The following SRSF11 variants were observed in gnomAD, a reference collection of about 807,000 sequenced individuals.
SRSF11 encodes the protein serine and arginine rich splicing factor 11.
SRSF11 carries 9 observed loss-of-function variants against 56.0 expected under a neutral mutation model. That is an observed-to-expected ratio of 0.16 (90% CI 0.10 to 0.28). The LOEUF (loss-of-function observed/expected upper bound fraction) is 0.28, where lower values mean the gene tolerates loss of function less well. Ranked by LOEUF, SRSF11 falls within the 10% of genes least tolerant of loss-of-function variation. The pLI, the probability that SRSF11 is intolerant of heterozygous loss-of-function variation, is 1.00. For synonymous variants in SRSF11, 222 were observed against 215.3 expected, an observed-to-expected ratio of 1.03 and a Z score of -0.27; for missense variants, 421 against 600.7, an observed-to-expected ratio of 0.70 and a Z score of 3.13.
intron 1 of SRSF11, among the ~76,000 whole-genome samples, chr1:70,215,215 T>C (rs1368397257): frequency 6.6e-6 from 1 of 152,116 alleles, no homozygotes; most frequent in Non-Finnish European, 1.5e-5. Flanking sequence ...TTTTAAAACT[T>C]ACGGATTTGT....
rs1276850009 is a variant in SRSF11, at chr1:70,250,814, T to C, written c.*9T>C. 1.7e-5 allele frequency: 28 copies of C among 1,611,048 alleles called. No individual in the cohort carries two copies. The highest frequency in any genetic ancestry group is 2.3e-5 in the Non-Finnish European group (27 of 1,177,780). Reference sequence around the variant, plus strand: ...TGGATATGAGTGACTGAATATTGCCTCTGAGGGAGTCCAACTGTATACCTG... The same window carrying C: ...TGGATATGAGTGACTGAATATTGCCCCTGAGGGAGTCCAACTGTATACCTG... On this transcript the variant is annotated 3_prime_UTR_variant, in exon 12 of 12. Transcript: ENST00000370949.
At chr1:70,210,661 G>A (rs61118286) in intron 1 of SRSF11, among the ~76,000 whole-genome samples, 1 of 152,160 alleles carries the variant, frequency 6.6e-6, no homozygotes, top group South Asian at 2.1e-4. Context: ...GTTGCAATGA[G>A]CTAAAATTGT....
intron 1 of SRSF11, 68 bp from the exon 2 acceptor site, chr1:70,228,354 G>C: frequency 3.3e-6 from 4 of 1,223,932 alleles, no homozygotes; most frequent in Non-Finnish European, 4.7e-6. Flanking sequence ...AAATGTGTTG[G>C]TTTGTGAATT....
intron 2 of SRSF11, chr1:70,230,719 G>A (rs1370848823): frequency 4.2e-6 from 5 of 1,194,870 alleles, no homozygotes; most frequent in Non-Finnish European, 4.2e-6. Flanking sequence ...TTTAATGGAT[G>A]CAGATCTTCT....
intron 8 of SRSF11, 45 bp from the exon 9 acceptor site, chr1:70,246,773 C>T (rs375253116): frequency 2.5e-4 from 329 of 1,296,676 alleles, no homozygotes; most frequent in Non-Finnish European, 3.4e-4. Flanking sequence ...AAATTGGCAT[C>T]AGCTGAGTCT....
chr1:70,237,129 A>G (rs2100829969), intron 5 of SRSF11, among the ~76,000 whole-genome samples: 1 of 152,266 alleles, frequency 6.6e-6, no homozygotes, highest in East Asian at 1.9e-4. Flanking sequence ...TAGCATCAGC[A>G]TATTTTCTTG....
At chr1:70,217,400 G>A (rs1571599205), upstream of SRSF11, among the ~76,000 whole-genome samples, 1 of 152,154 alleles carries the variant, frequency 6.6e-6, no homozygotes, top group East Asian at 1.9e-4. Context: ...CAGGTGTTCC[G>A]CCTGCCTTGG....
intron 2 of SRSF11, chr1:70,229,225 C>G: frequency 1.6e-6 from 2 of 1,289,416 alleles, no homozygotes; most frequent in Non-Finnish European, 2.0e-6. Context: ...AAGGCAAATG[C>G]AAAACCCTTC....
chr1:70,219,401 T>G (rs1418761558), upstream of SRSF11, among the ~76,000 whole-genome samples: 1 of 152,238 alleles, frequency 6.6e-6, no homozygotes, highest in Non-Finnish European at 1.5e-5. Context: ...CCAAATATTT[T>G]AAATCATCTC....
At chr1:70,232,916 G>GTTA (rs1160133260) in intron 3 of SRSF11, among the ~76,000 whole-genome samples, 1 of 152,148 alleles carries the variant, frequency 6.6e-6, no homozygotes, top group East Asian at 1.9e-4. Context: ...AGAACTAAAA[G>GTTA]GCACTTTAAA....
intron 1 of SRSF11, among the ~76,000 whole-genome samples, chr1:70,215,342 A>T (rs1322309620): frequency 2.6e-5 from 4 of 152,204 alleles, no homozygotes; most frequent in Non-Finnish European, 4.4e-5. Context: ...AATGGAACAA[A>T]TACATACCAT....
At chr1:70,243,360 A>C (rs1040984522) in intron 7 of SRSF11, among the ~76,000 whole-genome samples, 168 of 141,332 alleles carry the variant, frequency 1.2e-3, no homozygotes, top group Non-Finnish European at 2.0e-3. Context: ...AAAAAAAAAA[A>C]AAAAAAAAAA....
intron 1 of SRSF11, among the ~76,000 whole-genome samples, chr1:70,210,275 T>C (rs1669444064): frequency 6.6e-6 from 1 of 151,824 alleles, no homozygotes; most frequent in Non-Finnish European, 1.5e-5. Flanking sequence ...CTCCTCCCCA[T>C]GCCCCCCAGT....
chr1:70,215,234 A>G (rs1043617783), intron 1 of SRSF11, among the ~76,000 whole-genome samples: 6 of 152,144 alleles, frequency 3.9e-5, no homozygotes, highest in African/African-American at 1.4e-4. Context: ...GTAACCAGCA[A>G]TTTATTTCCT....
chr1:70,244,791 G>C lies in SRSF11; in HGVS notation c.908G>C (p.Arg303Thr), dbSNP rs1177698658. 2.5e-6 allele frequency: 4 copies of C among 1,614,102 alleles called. No homozygotes were observed. The Admixed American group carries it at 6.7e-5, about 27-fold the overall frequency. The change falls in exon 8 of 12, where the codon AGG becomes ACG. Residue 303 changes from arginine (R) to threonine (T), a missense_variant. This residue lies in a region of SRSF11 where 253 missense variants were observed against 305.8 expected (regional missense o/e 0.83). Transcript: ENST00000370949. ...TCTCATTCCAGAGAAAGAGGTAGAA[G>C]GTCAAGGAGCACATCAAAAACAAGG... is the stretch of plus-strand genomic sequence containing the variant. ...RRSHSRERGR[R>T]SRSTSKTRDK...
chr1:70,229,147 T>C, intron 2 of SRSF11: 5 of 1,272,182 alleles, frequency 3.9e-6, no homozygotes, highest in Non-Finnish European at 5.1e-6. Flanking sequence ...TCTTGCTATA[T>C]TTCTAGAATA....
chr1:70,225,560 G>T (rs978008458), intron 1 of SRSF11, among the ~76,000 whole-genome samples: 7 of 152,126 alleles, frequency 4.6e-5, no homozygotes, highest in African/African-American at 1.7e-4. Context: ...TGAAGTTCTC[G>T]TACGTTAGTA....
At chr1:70,245,075 C>T (rs577960248) in intron 8 of SRSF11, among the ~76,000 whole-genome samples, 1 of 152,318 alleles carries the variant, frequency 6.6e-6, no homozygotes, top group African/African-American at 2.4e-5. Context: ...TACCTTCTTT[C>T]ATAAGAAATA....
Position 70,230,329 on chromosome 1 carries a change from C to A in SRSF11, c.337+1774C>A, listed in dbSNP as rs937768090. 3.2e-5 allele frequency: 33 copies of A among 1,047,464 alleles called. No homozygotes were observed. The African/African-American group carries it at 4.7e-4, about 15-fold the overall frequency. The allele number at this position is 1,047,464 out of a possible 1,614,324, so 64.9% of individuals were successfully genotyped here. A position where few individuals can be genotyped will look rare whatever the true frequency, so the allele number is the denominator to read the frequency against. Reference sequence around the variant, plus strand: ...GTATTAATGTTACCTCCAGTAAATACAATTCCCTCCAGATTTAGCTATTAC... The same window carrying A: ...GTATTAATGTTACCTCCAGTAAATAAAATTCCCTCCAGATTTAGCTATTAC... On this transcript the variant is annotated intron_variant, in intron 2 of 11. Transcript: ENST00000370949.
Sources: allele counts gnomAD v4.1 joint callset (sites outside exome capture counted in the v4.1 genomes callset), GRCh38; gene constraint gnomAD v4.1.1; regional missense constraint gnomAD v4.1.1; transcripts MANE v1.5; gene names NCBI Gene and HGNC (gene_info 2026-07-23, HGNC 2026-07-21).